Variants in MAGI2 observed in about 807,000 individuals in gnomAD.
The protein encoded by MAGI2 is membrane-associated guanylate kinase, WW and PDZ domain-containing protein 2.
Under a neutral mutation model 133.3 loss-of-function variants are expected in MAGI2, and 35 were observed. That is an observed-to-expected ratio of 0.26 (90% CI 0.20 to 0.35). The LOEUF (loss-of-function observed/expected upper bound fraction) is 0.35, where lower values mean the gene tolerates loss of function less well. MAGI2 is among the 10% of genes least tolerant of loss of function. The pLI, the probability that MAGI2 is intolerant of heterozygous loss-of-function variation, is 1.00. For missense variants in MAGI2, 1,636 were observed against 1,863.4 expected, an observed-to-expected ratio of 0.88 and a Z score of 2.25; for synonymous variants, 729 against 710.6, an observed-to-expected ratio of 1.03 and a Z score of -0.41.
chr7:78,946,324 T>C (rs954400963), intron 2 of MAGI2, among the ~76,000 whole-genome samples: 3 of 152,194 alleles, frequency 2.0e-5, no homozygotes, highest in Non-Finnish European at 4.4e-5. Flanking sequence ...CATCAACCAA[T>C]GTAAGAATTT....
chr7:79,101,691 T>A (rs1584931865), intron 1 of MAGI2, among the ~76,000 whole-genome samples: 1 of 126,240 alleles, frequency 7.9e-6, no homozygotes, highest in African/African-American at 3.0e-5. Context: ...GCCACCGCAC[T>A]CCAGCAGGTG....
chr7:79,028,144 G>A (rs9690246), intron 1 of MAGI2, among the ~76,000 whole-genome samples: 87,239 of 147,726 alleles, frequency 0.59, 26,105 homozygotes, highest in East Asian at 0.64. Flanking sequence ...CCCGGGATGC[G>A]GAGGTTGCAG....
chr7:79,061,636 C>G (rs953651692), intron 1 of MAGI2, among the ~76,000 whole-genome samples: 1 of 151,892 alleles, frequency 6.6e-6, no homozygotes, highest in African/African-American at 2.4e-5. Flanking sequence ...TAACTGGGAC[C>G]AAGATTAGGG....
At chr7:78,418,509 G>A (rs1798502869) in intron 6 of MAGI2, among the ~76,000 whole-genome samples, 1 of 152,108 alleles carries the variant, frequency 6.6e-6, no homozygotes, top group Non-Finnish European at 1.5e-5. Flanking sequence ...AATCTATACT[G>A]TCCAATACAG....
At chr7:79,235,752 T>C (rs1010557261) in intron 1 of MAGI2, among the ~76,000 whole-genome samples, 7 of 152,354 alleles carry the variant, frequency 4.6e-5, no homozygotes, top group Non-Finnish European at 8.8e-5. Flanking sequence ...ATCACCCGTC[T>C]TCTGCGTCGC....
chr7:78,201,923 A>C (rs2150761804), intron 10 of MAGI2, among the ~76,000 whole-genome samples: 1 of 152,346 alleles, frequency 6.6e-6, no homozygotes, highest in African/African-American at 2.4e-5. Flanking sequence ...GATAATTAAA[A>C]GTAAAGGATA....
chr7:78,809,120 G>A (rs1389536301), intron 2 of MAGI2, among the ~76,000 whole-genome samples: 2 of 152,192 alleles, frequency 1.3e-5, no homozygotes, highest in African/African-American at 2.4e-5. Flanking sequence ...TGGTGTGGAA[G>A]GGATTTCAGA....
intron 1 of MAGI2, among the ~76,000 whole-genome samples, chr7:79,318,684 T>C (rs1838935129): frequency 6.6e-6 from 1 of 152,218 alleles, no homozygotes; most frequent in Non-Finnish European, 1.5e-5. Flanking sequence ...TACTACGTAT[T>C]AGTTTTCAGA....
chr7:78,622,393 G>A (rs890008471), intron 3 of MAGI2, among the ~76,000 whole-genome samples: 1 of 152,016 alleles, frequency 6.6e-6, no homozygotes, highest in Non-Finnish European at 1.5e-5. Flanking sequence ...AGGCGAGGAG[G>A]AGGAAAGGGA....
At chr7:79,195,613 T>C (rs1475631904) in intron 1 of MAGI2, among the ~76,000 whole-genome samples, 1 of 151,960 alleles carries the variant, frequency 6.6e-6, no homozygotes, top group African/African-American at 2.4e-5. Context: ...TCCTGCTGCC[T>C]GCTCAACTGC....
At chr7:78,156,032 T>C (rs1419963668) in intron 16 of MAGI2, among the ~76,000 whole-genome samples, 5 of 152,186 alleles carry the variant, frequency 3.3e-5, no homozygotes, top group African/African-American at 1.2e-4. Flanking sequence ...CTCTCTCCTC[T>C]GATAATATTT....
intron 1 of MAGI2, among the ~76,000 whole-genome samples, chr7:79,439,364 C>G (rs959540653): frequency 2.6e-5 from 4 of 152,092 alleles, no homozygotes; most frequent in African/African-American, 9.7e-5. Context: ...GAGACTGAGG[C>G]TCAGAAAATG....
intron 1 of MAGI2, among the ~76,000 whole-genome samples, chr7:79,194,946 A>G (rs1827953871): frequency 6.6e-6 from 1 of 152,044 alleles, no homozygotes; most frequent in Admixed American, 6.6e-5. Flanking sequence ...TGAAGTTATT[A>G]TAACATTTTA....
chr7:78,020,587 C>T (rs536402816), intron 21 of MAGI2, among the ~76,000 whole-genome samples: 1 of 151,878 alleles, frequency 6.6e-6, no homozygotes, highest in South Asian at 2.1e-4. Context: ...AAAAAAGGTC[C>T]ATGCATAAAT....
At chr7:79,368,390 A>G (rs1842856105) in intron 1 of MAGI2, among the ~76,000 whole-genome samples, 1 of 152,152 alleles carries the variant, frequency 6.6e-6, no homozygotes. Context: ...CATTTGCAGC[A>G]TAGTTTTGAC....
chr7:78,478,338 T>G (rs1450894664), intron 6 of MAGI2, among the ~76,000 whole-genome samples: 1 of 151,914 alleles, frequency 6.6e-6, no homozygotes, highest in Non-Finnish European at 1.5e-5. Context: ...CCTTAATGTC[T>G]CTAGTTTAAG....
chr7:78,223,694 TC>T (rs1420822399), intron 10 of MAGI2, among the ~76,000 whole-genome samples: 19 of 152,162 alleles, frequency 1.2e-4, no homozygotes, highest in African/African-American at 4.3e-4. Context: ...GCCACAAGCC[TC>T]CCTATTTTAT....
chr7:79,139,918 G>A (rs1821958242), intron 1 of MAGI2: 1 of 152,174 alleles, frequency 6.6e-6, no homozygotes, highest in Admixed American at 6.5e-5. Flanking sequence ...TGTGAAGATG[G>A]GAGTAAGCCT....
At chr7:78,169,260 A>C (rs768262834) in intron 14 of MAGI2, among the ~76,000 whole-genome samples, 1 of 152,246 alleles carries the variant, frequency 6.6e-6, no homozygotes, top group Non-Finnish European at 1.5e-5. Flanking sequence ...TTTCAAACTC[A>C]TGACCAATAG....
Sources: gnomAD v4.1 joint callset for allele counts (sites outside exome capture counted in the v4.1 genomes callset) on GRCh38, gnomAD v4.1.1 for gene constraint, MANE v1.5 for transcripts, NCBI Gene and HGNC (gene_info 2026-07-23, HGNC 2026-07-21) for gene names.